Variants in BID observed in about 807,000 individuals in gnomAD.
BID encodes BH3-interacting domain death agonist.
A neutral mutation model predicts 17.4 loss-of-function variants in BID; 19 were observed. The observed-to-expected ratio is 1.09, with a 90% CI of 0.76 to 1.60. The LOEUF (loss-of-function observed/expected upper bound fraction) is 1.60. Among genes scored for constraint, BID ranks in the 40% most tolerant of loss-of-function variants. The pLI is 0.00. For missense variants in BID, 226 were observed against 256.0 expected (o/e 0.88, Z 0.80); for synonymous variants, 108 against 102.8 (o/e 1.05, Z -0.31).
intron 2 of BID, among the ~76,000 whole-genome samples, 184 bp downstream of exon 2, chr22:17,749,921 G>A: frequency 6.6e-6 from 1 of 152,252 alleles, no homozygotes; most frequent in Non-Finnish European, 1.5e-5. Context: ...ACAGGGAAAG[G>A]TAGGACTTCC....
chr22:17,744,497 G>A (rs8190310), intron 2 of BID, among the ~76,000 whole-genome samples: 6,137 of 152,332 alleles, frequency 0.04, 406 homozygotes, highest in African/African-American at 0.14. Flanking sequence ...GGCTCAGGAG[G>A]GTATTGGGCA....
intron 2 of BID, among the ~76,000 whole-genome samples, chr22:17,748,375 G>C (rs1325302248): frequency 1.3e-5 from 2 of 151,244 alleles, no homozygotes; most frequent in Non-Finnish European, 1.5e-5. Flanking sequence ...GGGCGTGGTG[G>C]CGGGCGCCTG....
intron 2 of BID, among the ~76,000 whole-genome samples, chr22:17,747,993 G>A (rs1158723139): frequency 1.3e-5 from 2 of 151,974 alleles, no homozygotes; most frequent in African/African-American, 2.4e-5. Context: ...GGCAGATCGC[G>A]AGGTCAGGAG....
intron 3 of BID, chr22:17,739,942 G>A (rs1044044834): frequency 4.9e-5 from 43 of 878,738 alleles, no homozygotes; most frequent in African/African-American, 3.3e-4. Context: ...TCGCAGTCCC[G>A]TCTCAGGAAA....
intron 1 of BID, among the ~76,000 whole-genome samples, chr22:17,757,388 G>A (rs1232107933): frequency 8.9e-6 from 1 of 112,306 alleles, no homozygotes; most frequent in Non-Finnish European, 1.7e-5. Context: ...GGGCAACAGA[G>A]CCTGACCCTG....
intron 3 of BID, chr22:17,740,093 C>A (rs770544186): frequency 2.0e-5 from 32 of 1,611,334 alleles, no homozygotes; most frequent in Non-Finnish European, 2.7e-5. Flanking sequence ...ACTGTCGCAG[C>A]TCCATGAAGG....
At chr22:17,755,437 A>G (rs760247609) in intron 1 of BID, among the ~76,000 whole-genome samples, 2 of 152,184 alleles carry the variant, frequency 1.3e-5, no homozygotes, top group Non-Finnish European at 2.9e-5. Context: ...AGAATTAATC[A>G]GAAAAGGAGA....
intron 2 of BID, among the ~76,000 whole-genome samples, chr22:17,744,909 C>A (rs898383483): frequency 6.6e-6 from 1 of 152,194 alleles, no homozygotes; most frequent in African/African-American, 2.4e-5. Flanking sequence ...CACAAAAAGA[C>A]CTCCTGGGCT....
intron 1 of BID, among the ~76,000 whole-genome samples, chr22:17,768,911 G>A (rs1189944130): frequency 1.3e-5 from 2 of 150,512 alleles, no homozygotes; most frequent in Admixed American, 6.6e-5. Flanking sequence ...GCGTGGTGGT[G>A]GGCGCCTGTA....
chr22:17,758,701 A>G (rs1383612870), intron 1 of BID, among the ~76,000 whole-genome samples: 1 of 152,196 alleles, frequency 6.6e-6, no homozygotes, highest in Non-Finnish European at 1.5e-5. Flanking sequence ...AGAGTAGTCA[A>G]CTTCACAAGG....
At chr22:17,742,349 T>A (rs1463951615) in intron 3 of BID, among the ~76,000 whole-genome samples, 3 of 152,184 alleles carry the variant, frequency 2.0e-5, no homozygotes, top group Admixed American at 6.5e-5. Context: ...ACAGCAGAGC[T>A]GTGCCTGTCC....
chr22:17,739,933 C>T (rs550483375), intron 3 of BID: 5 of 807,378 alleles, frequency 6.2e-6, no homozygotes, highest in East Asian at 2.7e-5. Context: ...CCCCATTCCT[C>T]GCAGTCCCGT....
chr22:17,766,165 C>A (rs753652309), intron 1 of BID, among the ~76,000 whole-genome samples: 4 of 152,122 alleles, frequency 2.6e-5, no homozygotes, highest in Non-Finnish European at 2.9e-5. Context: ...CTCAAGACAT[C>A]CTCCTGCCTC....
At chr22:17,756,502 CTCTTTCTG>C (rs1206102684) in intron 1 of BID, among the ~76,000 whole-genome samples, 63 of 139,092 alleles carry the variant, frequency 4.5e-4, no homozygotes, top group African/African-American at 1.4e-3. Flanking sequence ...CTTTCTCTCT[CTCTTTCTG>C]TCTGTCTCTC....
intron 1 of BID, 45 bp from the exon 2 acceptor site, chr22:17,750,219 T>TG: frequency 6.5e-7 from 1 of 1,546,936 alleles, no homozygotes; most frequent in Middle Eastern, 1.7e-4. Context: ...TGGGAAGCCC[T>TG]GGTCAGGACC....
chr22:17,756,443 CTTTCTT>C (rs1345958063), intron 1 of BID, among the ~76,000 whole-genome samples: 1 of 117,578 alleles, frequency 8.5e-6, no homozygotes. Flanking sequence ...TTCTTTCTTT[CTTTCTT>C]TCTTTCTTTC....
rs200704499 is a variant in BID, at chr22:17,750,200, G to A, written c.-58-26C>T. 1.1e-4 allele frequency: 170 copies of A among 1,594,128 alleles called. No homozygotes were observed. The African/African-American group carries it at 1.9e-3, about 18-fold the overall frequency. On this transcript the variant is annotated intron_variant, in intron 1 of 5. Coordinates refer to ENST00000622694, the MANE Select transcript of BID (RefSeq NM_001196.4). ...CTGGAAAGGGACACACAGAGTGGGC[G>A]GCCGCTCCTGGGAAGCCCTGGTCAG...
At chr22:17,753,193 C>T (rs1451692988) in intron 1 of BID, among the ~76,000 whole-genome samples, 1 of 152,006 alleles carries the variant, frequency 6.6e-6, no homozygotes, top group Admixed American at 6.6e-5. Flanking sequence ...GTCTTGATCT[C>T]CTGACCTCAT....
In BID at chr22:17,738,045, C is replaced by T. The variant is rs139212717; in HGVS notation, c.548G>A (p.Arg183His). The stretch of plus-strand genomic sequence containing the variant: ...TCTGGCTAAGCTCCTCACGTAGGTG[C>T]GTAGGTTCTGGTTAATAAAATTCAC... ...TTVNFINQNL[R>H]TYVRSLARNG... Residue 183 changes from arginine to histidine, a missense_variant, in exon 5 of 6, where the codon CGC (arginine) becomes CAC (histidine). Physicochemically the swap from Arg to His is conservative, Grantham distance 29. Coordinates refer to ENST00000622694, the MANE Select transcript of BID (RefSeq NM_001196.4). The T allele has an allele frequency of 1.9e-5, 31 of 1,614,172 alleles. No individual in the cohort carries two copies. Among genetic ancestry groups the T allele is most frequent in the Admixed American group, 1.7e-4 (10 of 60,024 alleles).
Sources: allele counts gnomAD v4.1 joint callset (sites outside exome capture counted in the v4.1 genomes callset), GRCh38; gene constraint gnomAD v4.1.1; transcripts MANE v1.5; gene names NCBI Gene and HGNC (gene_info 2026-07-23, HGNC 2026-07-21).